LRRC4C: variants seen among roughly 807,000 people sequenced by gnomAD.
LRRC4C encodes leucine rich repeat containing 4C, also known as leucine-rich repeat-containing protein 4C.
A neutral mutation model predicts 33.6 loss-of-function variants in LRRC4C; 5 were observed. The observed-to-expected ratio is 0.15, with a 90% CI of 0.08 to 0.31. The LOEUF is 0.31. Ranked by LOEUF, LRRC4C falls within the 10% of genes least tolerant of loss-of-function variation. The probability of loss-of-function intolerance (pLI) is 1.00; values close to 1 mark genes in which losing one functional copy is unlikely to be tolerated. For synonymous variants in LRRC4C, 329 were observed against 302.0 expected, an observed-to-expected ratio of 1.09 and a Z score of -0.93; for missense variants, 560 against 796.7, an observed-to-expected ratio of 0.70 and a Z score of 3.58.
chr11:40,759,088 TTA>T (rs1262132323), intron 2 of LRRC4C, among the ~76,000 whole-genome samples: 1 of 147,450 alleles, frequency 6.8e-6, no homozygotes, highest in Non-Finnish European at 1.5e-5. Context: ...ACATATATTA[TTA>T]TATATATAAT....
rs111758964 is a variant in LRRC4C, at chr11:40,679,907, C to T, written c.-406-31629G>A. On this transcript the variant is annotated intron_variant, in intron 2 of 6. Coordinates refer to ENST00000528697, the MANE Select transcript of LRRC4C (RefSeq NM_001258419.2). Reference sequence around the variant, plus strand: ...AAGAGGGCCACCATCCTCCAGACCCCGGAATGGTAGATCCACTGATAGCTT... The same window carrying T: ...AAGAGGGCCACCATCCTCCAGACCCTGGAATGGTAGATCCACTGATAGCTT... Among the ~76,000 whole-genome samples, 1,248 of 152,210 alleles carry T rather than the reference C, an allele frequency of 8.2e-3. 28 individuals are homozygous for T. The highest frequency in any genetic ancestry group is 0.029 in the African/African-American group (1,184 of 41,534).
chr11:41,147,603 G>A (rs908722954), intron 1 of LRRC4C, among the ~76,000 whole-genome samples: 5 of 152,014 alleles, frequency 3.3e-5, no homozygotes, highest in African/African-American at 7.3e-5. Context: ...ACATTTATGG[G>A]GTGCAACATG....
chr11:40,315,154 T>C (rs977832180), intron 4 of LRRC4C, among the ~76,000 whole-genome samples: 4 of 151,854 alleles, frequency 2.6e-5, no homozygotes, highest in Admixed American at 6.6e-5. Flanking sequence ...TCCCAAAATA[T>C]GTACAATTAT....
At chr11:40,958,392 C>T (rs960142480) in intron 1 of LRRC4C, among the ~76,000 whole-genome samples, 1 of 151,712 alleles carries the variant, frequency 6.6e-6, no homozygotes. Flanking sequence ...GTTTCTGTTA[C>T]ATAATTTTTA....
intron 2 of LRRC4C, among the ~76,000 whole-genome samples, chr11:40,781,773 G>A (rs1950219875): frequency 2.0e-5 from 3 of 152,110 alleles, no homozygotes; most frequent in Admixed American, 2.0e-4. Flanking sequence ...TTGAGAAATG[G>A]GTTCTCCCAA....
chr11:40,165,908 G>A (rs1321771907), intron 5 of LRRC4C, among the ~76,000 whole-genome samples: 1 of 152,144 alleles, frequency 6.6e-6, no homozygotes, highest in Non-Finnish European at 1.5e-5. Flanking sequence ...TGGTGCCATT[G>A]CACTCCAGCC....
At chr11:40,837,724 C>T (rs1232249233) in intron 2 of LRRC4C, among the ~76,000 whole-genome samples, 1 of 150,854 alleles carries the variant, frequency 6.6e-6, no homozygotes, top group Non-Finnish European at 1.5e-5. Context: ...GTGGTATGTG[C>T]CTGTGGTCCC....
intron 1 of LRRC4C, among the ~76,000 whole-genome samples, chr11:41,049,914 C>A (rs1858079722): frequency 6.6e-6 from 1 of 152,150 alleles, no homozygotes; most frequent in African/African-American, 2.4e-5. Context: ...ACATAGGTGA[C>A]ACTCAGTAAA....
At chr11:40,427,502 T>C (rs1427718318) in intron 3 of LRRC4C, among the ~76,000 whole-genome samples, 2 of 151,508 alleles carry the variant, frequency 1.3e-5, no homozygotes, top group East Asian at 2.0e-4. Flanking sequence ...AGTGAAACTC[T>C]GTCTCAAAAA....
chr11:40,257,028 T>A (rs1867263392), intron 4 of LRRC4C, among the ~76,000 whole-genome samples: 1 of 152,200 alleles, frequency 6.6e-6, no homozygotes, highest in South Asian at 2.1e-4. Flanking sequence ...TTGGATACTG[T>A]TTAAGAATGT....
At chr11:41,392,763 T>A (rs1953654676) in intron 1 of LRRC4C, among the ~76,000 whole-genome samples, 1 of 151,314 alleles carries the variant, frequency 6.6e-6, no homozygotes, top group African/African-American at 2.4e-5. Flanking sequence ...GAAATTGGAG[T>A]GATGTAGCTG....
intron 3 of LRRC4C, among the ~76,000 whole-genome samples, chr11:40,465,955 G>T (rs1035224160): frequency 1.3e-5 from 2 of 152,064 alleles, no homozygotes; most frequent in Admixed American, 1.3e-4. Context: ...GTATCAAAAA[G>T]ATACTTGCAC....
At chr11:40,831,266 G>A (rs948090416) in intron 2 of LRRC4C, among the ~76,000 whole-genome samples, 3 of 152,036 alleles carry the variant, frequency 2.0e-5, no homozygotes, top group African/African-American at 4.8e-5. Flanking sequence ...CATAAAAGGT[G>A]AAGAAACTGA....
chr11:41,407,355 G>T (rs1310021663), intron 1 of LRRC4C, among the ~76,000 whole-genome samples: 2 of 148,598 alleles, frequency 1.3e-5, no homozygotes, highest in African/African-American at 5.0e-5. Flanking sequence ...AGGCTGGAGT[G>T]CAGTGTCATG....
intron 1 of LRRC4C, among the ~76,000 whole-genome samples, chr11:41,416,176 A>C (rs1954672746): frequency 6.6e-6 from 1 of 152,032 alleles, no homozygotes; most frequent in South Asian, 2.1e-4. Flanking sequence ...ATAATACAGA[A>C]TCTCAGAGGA....
chr11:41,348,054 C>T (rs1951856258), intron 1 of LRRC4C, among the ~76,000 whole-genome samples: 1 of 152,156 alleles, frequency 6.6e-6, no homozygotes, highest in Non-Finnish European at 1.5e-5. Context: ...TAAGTATCTA[C>T]AAAATCTTCC....
rs1951699242 is a variant in LRRC4C, at chr11:40,816,193, C to T, written c.-407+117442G>A. On this transcript the variant is annotated intron_variant, in intron 2 of 6. Coordinates refer to ENST00000528697, the MANE Select transcript of LRRC4C (RefSeq NM_001258419.2). ...GACTATCATGTTTCTTTTTGGGATG[C>T]AAATGGAAGATCATTAATTCTAGGC... 2.6e-5 allele frequency among the ~76,000 whole-genome samples: 4 copies of T among 152,234 alleles called. No homozygotes were observed. The South Asian group carries it at 8.3e-4, about 32-fold the overall frequency.
intron 1 of LRRC4C, among the ~76,000 whole-genome samples, chr11:41,133,554 G>T (rs1218311501): frequency 7.1e-6 from 1 of 140,266 alleles, no homozygotes; most frequent in African/African-American, 2.7e-5. Context: ...TAAAAACTGA[G>T]TTTTCAGTCA....
chr11:41,401,636 G>A (rs756903819), intron 1 of LRRC4C, among the ~76,000 whole-genome samples: 9 of 151,842 alleles, frequency 5.9e-5, no homozygotes, highest in African/African-American at 1.7e-4. Flanking sequence ...ATGTTTAACC[G>A]GGAAGAGACC....
Sources: allele counts gnomAD v4.1 joint callset (sites outside exome capture counted in the v4.1 genomes callset), GRCh38; gene constraint gnomAD v4.1.1; transcripts MANE v1.5; gene names NCBI Gene and HGNC (gene_info 2026-07-23, HGNC 2026-07-21).